HIVEP1: variants seen among roughly 807,000 people sequenced by gnomAD.
HIVEP1 encodes HIVEP zinc finger 1.
In HIVEP1, 36 loss-of-function variants were observed where a neutral mutation model predicts 180.0. That is an observed-to-expected ratio of 0.20 (90% CI 0.15 to 0.26). The LOEUF (loss-of-function observed/expected upper bound fraction) is 0.26, where lower values mean the gene tolerates loss of function less well. Ranked by LOEUF, HIVEP1 falls within the 10% of genes least tolerant of loss-of-function variation. HIVEP1 has a pLI of 1.00. For missense variants in HIVEP1, 3,143 were observed against 3,268.7 expected (o/e 0.96, Z 0.94); for synonymous variants, 1,239 against 1,239.0 (o/e 1.00, Z 0.00).
rs1581820557 is a variant in HIVEP1 at position 12,164,702 on chromosome 6, A to G, written c.*241A>G. ...AAACTGTACAGATTGTTGAATATCT[A>G]TATACATAAAAATATATTATATATG... On this transcript the variant is annotated 3_prime_UTR_variant, in exon 9 of 9. Coordinates refer to ENST00000379388, the MANE Select transcript of HIVEP1 (RefSeq NM_002114.4). The G allele has an allele frequency of 6.3e-6, 2 of 316,774 alleles. No homozygotes were observed. Among genetic ancestry groups the G allele is most frequent in the Non-Finnish European group, 1.1e-5 (2 of 175,076 alleles). The allele number at this position is 316,774 out of a possible 1,614,324, so 19.6% of individuals were successfully genotyped here. A position where few individuals can be genotyped will look rare whatever the true frequency, so the allele number is the denominator to read the frequency against.
chr6:12,123,479 G>T lies in HIVEP1; in HGVS notation c.3684G>T (p.Arg1228=). Residue 1228 remains arginine (R), a synonymous_variant, in exon 4 of 9, where the codon CGG becomes CGT. Coordinates refer to ENST00000379388, the MANE Select transcript of HIVEP1 (RefSeq NM_002114.4). Reference sequence around the variant, plus strand: ...TAGGACAGCCCTCAAGACTTGTCCGGCAGCACAACATCCAAGTTCCAGAGA... The same window carrying T: ...TAGGACAGCCCTCAAGACTTGTCCGTCAGCACAACATCCAAGTTCCAGAGA... ...HVLGQPSRLV[R]QHNIQVPEIL... is the part of the protein sequence containing the mutation. The T allele has an allele frequency of 1.9e-6, 3 of 1,614,142 alleles. No individual in the cohort carries two copies. The highest frequency in any genetic ancestry group is 2.5e-6 in the Non-Finnish European group (3 of 1,180,026).
intron 3 of HIVEP1, among the ~76,000 whole-genome samples, chr6:12,106,003 T>C (rs997620732): frequency 9.2e-5 from 14 of 151,382 alleles, no homozygotes; most frequent in Non-Finnish European, 1.3e-4. Context: ...CATATATATA[T>C]ACACATATAT....
the HIVEP1 span, among the ~76,000 whole-genome samples, chr6:12,202,378 A>G: frequency 6.6e-6 from 1 of 151,994 alleles, no homozygotes; most frequent in African/African-American, 2.4e-5. Context: ...GGCTCAAGCG[A>G]TCCTCCTGTC....
upstream of HIVEP1, among the ~76,000 whole-genome samples, chr6:12,010,751 GAA>G (rs1353008886): frequency 1.3e-5 from 2 of 152,136 alleles, no homozygotes; most frequent in Non-Finnish European, 2.9e-5. Flanking sequence ...GTCTAACCCT[GAA>G]AACCTTCGTT....
At chr6:12,149,969 G>A (rs1759605241) in intron 7 of HIVEP1, among the ~76,000 whole-genome samples, 1 of 152,182 alleles carries the variant, frequency 6.6e-6, no homozygotes, top group Non-Finnish European at 1.5e-5. Flanking sequence ...AATTCTCAAT[G>A]GAATAAATTA....
rs77421235 is a variant in HIVEP1, at chr6:12,125,393, A to G, written c.5598A>G (p.Ser1866=). Residue 1866 remains serine (S), a synonymous_variant, in exon 4 of 9, where the codon TCA becomes TCG. Coordinates refer to ENST00000379388, the MANE Select transcript of HIVEP1 (RefSeq NM_002114.4). The part of the protein sequence containing the change: ...QEFENIKSST[S]LTLTVRSSPA... ...TTGAAAACATCAAGTCATCCACATC[A>G]TTAACTCTTACAGTTCGAAGTTCAC... 3.1e-6 allele frequency: 5 copies of G among 1,614,078 alleles called. No individual in the cohort carries two copies. In the African/African-American group the frequency reaches 4.0e-5, roughly 13 times the overall value.
At position 12,015,610 on chromosome 6, in the gene HIVEP1, A is replaced by G. The variant is rs967540094; in HGVS notation, c.-19A>G. 4.3e-6 allele frequency: 7 copies of G among 1,610,658 alleles called. No individual in the cohort carries two copies. In the East Asian group the frequency reaches 1.6e-4, roughly 36 times the overall value. ...TCTGCAGTTTTTAAGAAGAAAAAGA[A>G]GGCCCTGAGTCAAAGAAGATGCCTC... On this transcript the variant is annotated 5_prime_UTR_variant, in exon 2 of 9. Transcript: ENST00000379388.
At chr6:12,202,489 T>A in the HIVEP1 span, among the ~76,000 whole-genome samples, 1 of 152,192 alleles carries the variant, frequency 6.6e-6, no homozygotes, top group East Asian at 1.9e-4. Flanking sequence ...TGGAATGCAT[T>A]TCTGATTTTC....
At chr6:12,099,429 G>A (rs1461239658) in intron 3 of HIVEP1, among the ~76,000 whole-genome samples, 1 of 152,098 alleles carries the variant, frequency 6.6e-6, no homozygotes, top group Non-Finnish European at 1.5e-5. Flanking sequence ...GCCTCCCAAA[G>A]TGCTGGGATT....
chr6:12,163,259 G>A (rs1760518401), intron 8 of HIVEP1, 24 bp from the exon 9 acceptor site: 2 of 1,565,744 alleles, frequency 1.3e-6, no homozygotes, highest in African/African-American at 2.7e-5. Context: ...TGTCATAAAA[G>A]GATTGCTCTC....
chr6:12,135,445 C>T (rs1385096778), intron 6 of HIVEP1, among the ~76,000 whole-genome samples: 1 of 152,192 alleles, frequency 6.6e-6, no homozygotes, highest in African/African-American at 2.4e-5. Context: ...GTGGAGAATT[C>T]ACACTCCAAG....
chr6:12,047,149 G>A (rs768090073), intron 2 of HIVEP1, among the ~76,000 whole-genome samples: 4 of 152,070 alleles, frequency 2.6e-5, no homozygotes, highest in South Asian at 4.1e-4. Flanking sequence ...GTGAGCCACC[G>A]CGCCCAGCTG....
At chr6:12,170,681 T>C in the HIVEP1 span, among the ~76,000 whole-genome samples, 1 of 152,092 alleles carries the variant, frequency 6.6e-6, no homozygotes, top group Non-Finnish European at 1.5e-5. Flanking sequence ...CGCAATAATA[T>C]TATGGTTGGA....
chr6:12,145,099 A>T (rs4317394), intron 7 of HIVEP1, among the ~76,000 whole-genome samples: 1 of 152,248 alleles, frequency 6.6e-6, no homozygotes, highest in African/African-American at 2.4e-5. Context: ...TATTAACAAT[A>T]GCAAAGACTT....
the HIVEP1 span, among the ~76,000 whole-genome samples, chr6:12,184,846 A>G: frequency 6.6e-6 from 1 of 152,248 alleles, no homozygotes. Context: ...GCAACTTTAT[A>G]AAACTTTCCT....
At chr6:12,066,383 C>T in intron 2 of HIVEP1, among the ~76,000 whole-genome samples, 1 of 152,186 alleles carries the variant, frequency 6.6e-6, no homozygotes, top group East Asian at 1.9e-4. Context: ...AGTTATATTT[C>T]TGTGTGTTTT....
chr6:12,019,796 T>C (rs1238609109), intron 2 of HIVEP1, among the ~76,000 whole-genome samples: 2 of 152,196 alleles, frequency 1.3e-5, no homozygotes, highest in Non-Finnish European at 2.9e-5. Context: ...GACAGATATA[T>C]CCCTACGGAT....
At position 12,121,676 on chromosome 6, in the gene HIVEP1, C is replaced by T; in HGVS notation, c.1881C>T (p.Asp627=). 12 of 1,614,180 alleles carry T rather than the reference C, an allele frequency of 7.4e-6. No individual in the cohort carries two copies. Among genetic ancestry groups the T allele is most frequent in the African/African-American group, 1.3e-5 (1 of 75,048 alleles). ...ATGAGAATTCCCACCAGAAAGGCGA[C>T]ATGAATCCACTGGAAGGAAAGCAAG... ...ETNENSHQKG[D]MNPLEGKQDS... The change falls in exon 4 of 9, where the codon GAC becomes GAT. Residue 627 remains aspartate (D), a synonymous_variant. Coordinates refer to ENST00000379388, the MANE Select transcript of HIVEP1 (RefSeq NM_002114.4). The surrounding 1 kb of genome is among the most constrained non-coding windows in gnomAD (Gnocchi z 5.3).
intron 3 of HIVEP1, among the ~76,000 whole-genome samples, chr6:12,093,422 TTTTA>T (rs1293218420): frequency 4.6e-5 from 7 of 151,544 alleles, no homozygotes; most frequent in Non-Finnish European, 8.8e-5. Context: ...TTTTTTGTAT[TTTTA>T]TTTGTCTTAA....
Sources: allele counts gnomAD v4.1 joint callset (sites outside exome capture counted in the v4.1 genomes callset), GRCh38; gene constraint gnomAD v4.1.1; non-coding constraint Gnocchi (gnomAD v3.1); transcripts MANE v1.5; gene names NCBI Gene and HGNC (gene_info 2026-07-23, HGNC 2026-07-21).